The following SLC35F5 variants were observed in gnomAD, a reference collection of about 807,000 sequenced individuals.
The protein encoded by SLC35F5 is solute carrier family 35 member F5, also known as HCV NS5A-transactivated protein 3.
SLC35F5 carries 54 observed loss-of-function variants against 68.6 expected under a neutral mutation model. The ratio of observed to expected loss-of-function variants is 0.79; its 90% confidence interval spans 0.63 to 0.99. SLC35F5 has a LOEUF of 0.99. Ranked by LOEUF, SLC35F5 falls within the 50% of genes least tolerant of loss-of-function variation. The pLI is 0.00. For synonymous variants in SLC35F5, 211 were observed against 205.2 expected (o/e 1.03, Z -0.24); for missense variants, 567 against 626.9 (o/e 0.90, Z 1.02).
At position 113,755,197 on chromosome 2, in the gene SLC35F5, C is replaced by T. The variant is rs970005330; in HGVS notation, c.241G>A (p.Val81Met). Residue 81 changes from valine (V) to methionine (M), a missense_variant, in exon 3 of 16, where the codon GTG (valine) becomes ATG (methionine). By Grantham distance (21) the Val-to-Met change is conservative. Coordinates refer to ENST00000245680, the MANE Select transcript of SLC35F5 (RefSeq NM_025181.5). The stretch of plus-strand genomic sequence containing the variant: ...AGTTCAGAGGAAGCAACCCATATCA[C>T]ATCAACAAGCAGAAGAATAACAATC... ...LGIVILLLVD[V>M]IWVASSELTS... The T allele has an allele frequency of 1.9e-6, 3 of 1,613,968 alleles. No homozygotes were observed. The highest frequency in any genetic ancestry group is 2.7e-5 in the African/African-American group (2 of 74,910).
chr2:113,738,149 A>G (rs1688161041), intron 7 of SLC35F5, among the ~76,000 whole-genome samples: 1 of 152,008 alleles, frequency 6.6e-6, no homozygotes, highest in South Asian at 2.1e-4. Context: ...ATCAAATTAC[A>G]AGTAAAGAAT....
intron 7 of SLC35F5, among the ~76,000 whole-genome samples, chr2:113,740,115 T>G (rs1204953397): frequency 1.3e-5 from 2 of 152,126 alleles, no homozygotes; most frequent in Non-Finnish European, 2.9e-5. Flanking sequence ...ACCTGTGCAA[T>G]ACAGACCCAT....
intron 9 of SLC35F5, among the ~76,000 whole-genome samples, chr2:113,734,339 G>A (rs1688006683): frequency 6.6e-6 from 1 of 152,192 alleles, no homozygotes; most frequent in Non-Finnish European, 1.5e-5. Flanking sequence ...AATACTTGAT[G>A]AGTCTGCAGA....
At chr2:113,752,482 C>T (rs1357709983) in intron 3 of SLC35F5, among the ~76,000 whole-genome samples, 2 of 152,030 alleles carry the variant, frequency 1.3e-5, no homozygotes, top group Non-Finnish European at 2.9e-5. Context: ...GTACTCAGTA[C>T]CCCAAAGTAT....
intron 7 of SLC35F5, among the ~76,000 whole-genome samples, chr2:113,741,526 A>C (rs1278397247): frequency 6.6e-6 from 1 of 152,038 alleles, no homozygotes; most frequent in Admixed American, 6.6e-5. Context: ...ACATGGAGAA[A>C]TCCTGTCTCT....
chr2:113,723,719 C>G (rs1250821847), intron 12 of SLC35F5, among the ~76,000 whole-genome samples: 1 of 152,128 alleles, frequency 6.6e-6, no homozygotes, highest in Non-Finnish European at 1.5e-5. Flanking sequence ...CTTGAATATT[C>G]TTAAAAAATA....
At chr2:113,721,553 C>A (rs1311283477) in intron 13 of SLC35F5, among the ~76,000 whole-genome samples, 1 of 151,922 alleles carries the variant, frequency 6.6e-6, no homozygotes, top group Non-Finnish European at 1.5e-5. Context: ...AATTCCTGAA[C>A]ATTAAGCTGC....
At chr2:113,720,941 C>A (rs1265650927) in intron 13 of SLC35F5, among the ~76,000 whole-genome samples, 1 of 151,942 alleles carries the variant, frequency 6.6e-6, no homozygotes, top group Admixed American at 6.6e-5. Flanking sequence ...ACAAAAGAAA[C>A]GAAGCCATTT....
chr2:113,716,640 T>C (rs2104965223), intron 15 of SLC35F5, among the ~76,000 whole-genome samples: 1 of 151,694 alleles, frequency 6.6e-6, no homozygotes, highest in East Asian at 1.9e-4. Context: ...GAAACACAAG[T>C]CATAAGCATG....
intron 14 of SLC35F5, among the ~76,000 whole-genome samples, chr2:113,718,909 GAAA>G (rs1559318027): frequency 6.6e-4 from 65 of 98,298 alleles, no homozygotes; most frequent in Admixed American, 1.3e-3. Context: ...AAGAAAGAAA[GAAA>G]GAAAGAAAGA....
intron 3 of SLC35F5, among the ~76,000 whole-genome samples, chr2:113,753,544 T>C (rs1206350526): frequency 6.6e-6 from 1 of 152,196 alleles, no homozygotes; most frequent in Non-Finnish European, 1.5e-5. Context: ...TCTTGAATAA[T>C]GAGATTGTAA....
intron 11 of SLC35F5, among the ~76,000 whole-genome samples, chr2:113,726,797 G>A (rs1460332013): frequency 2.0e-5 from 3 of 152,114 alleles, no homozygotes; most frequent in South Asian, 2.1e-4. Flanking sequence ...TCTGCTCCCC[G>A]CCTCAGTACC....
intron 12 of SLC35F5, among the ~76,000 whole-genome samples, chr2:113,723,911 T>C (rs762006471): frequency 1.2e-4 from 18 of 152,188 alleles, no homozygotes; most frequent in Non-Finnish European, 2.4e-4. Context: ...TTATAAAGAC[T>C]GATAATTTGG....
chr2:113,716,990 GCAATCAAGAAACACTT>G (rs1247311312), intron 15 of SLC35F5, among the ~76,000 whole-genome samples: 1 of 152,186 alleles, frequency 6.6e-6, no homozygotes, highest in African/African-American at 2.4e-5. Flanking sequence ...AAACTCAGTA[GCAATCAAGAAACACTT>G]CAATATAAAT....
At chr2:113,752,173 T>C (rs182597177) in intron 3 of SLC35F5, among the ~76,000 whole-genome samples, 9 of 150,512 alleles carry the variant, frequency 6.0e-5, no homozygotes, top group Non-Finnish European at 8.9e-5. Context: ...GATAGTGCCA[T>C]TGCACTCCAG....
chr2:113,719,392 G>A (rs902276817), intron 13 of SLC35F5, 84 bp from the exon 14 acceptor site: 1 of 1,240,404 alleles, frequency 8.1e-7, no homozygotes, highest in Admixed American at 2.8e-5. Flanking sequence ...TTCTATTTGT[G>A]AAAACTAGCA....
intron 3 of SLC35F5, among the ~76,000 whole-genome samples, chr2:113,754,312 A>AG (rs963776521): frequency 6.6e-6 from 1 of 151,872 alleles, no homozygotes; most frequent in African/African-American, 2.4e-5. Context: ...AAAGAAAAAA[A>AG]AAAAAAAACT....
intron 7 of SLC35F5, among the ~76,000 whole-genome samples, chr2:113,740,808 G>A (rs1488408268): frequency 6.6e-6 from 1 of 152,026 alleles, no homozygotes; most frequent in Non-Finnish European, 1.5e-5. Flanking sequence ...TGTATTTTTA[G>A]TAGAGATGGG....
At chr2:113,718,647 T>G (rs1376498050) in intron 14 of SLC35F5, among the ~76,000 whole-genome samples, 1 of 151,888 alleles carries the variant, frequency 6.6e-6, no homozygotes, top group Non-Finnish European at 1.5e-5. Flanking sequence ...ATACAAAAAT[T>G]AGCTGGGCAT....
Sources: allele counts gnomAD v4.1 joint callset (sites outside exome capture counted in the v4.1 genomes callset), GRCh38; gene constraint gnomAD v4.1.1; transcripts MANE v1.5; gene names NCBI Gene and HGNC (gene_info 2026-07-23, HGNC 2026-07-21).